Variants in RIMS2 observed in about 807,000 individuals in gnomAD.
RIMS2 encodes the protein regulating synaptic membrane exocytosis 2.
In RIMS2, 59 loss-of-function variants were observed where a neutral mutation model predicts 174.4. The ratio of observed to expected loss-of-function variants is 0.34; its 90% CI spans 0.27 to 0.42. The LOEUF is 0.42. Among genes scored for constraint, RIMS2 ranks in the 10% least tolerant of loss-of-function variants. The pLI, the probability that RIMS2 is intolerant of heterozygous loss-of-function variation, is 1.00. For synonymous variants in RIMS2, 606 were observed against 572.5 expected, an observed-to-expected ratio of 1.06 and a Z score of -0.84; for missense variants, 1,620 against 1,666.3, an observed-to-expected ratio of 0.97 and a Z score of 0.48.
chr8:104,224,814 T>C (rs1357521333), intron 19 of RIMS2, among the ~76,000 whole-genome samples: 5 of 152,152 alleles, frequency 3.3e-5, no homozygotes, highest in Admixed American at 6.6e-5. Flanking sequence ...AAGTAGAAGA[T>C]GGAGGATTGG....
intron 19 of RIMS2, among the ~76,000 whole-genome samples, chr8:104,084,940 T>C (rs1271112223): frequency 6.6e-6 from 1 of 152,184 alleles, no homozygotes; most frequent in Non-Finnish European, 1.5e-5. Context: ...CAGCTCTTAA[T>C]CCCTTGGTCA....
chr8:103,997,302 G>C (rs567073717), intron 17 of RIMS2, among the ~76,000 whole-genome samples: 1 of 151,734 alleles, frequency 6.6e-6, no homozygotes, highest in Non-Finnish European at 1.5e-5. Flanking sequence ...TGGGAAGCAG[G>C]ATTACAAGTA....
intron 1 of RIMS2, among the ~76,000 whole-genome samples, chr8:103,669,231 A>G (rs1478566445): frequency 6.6e-6 from 1 of 152,174 alleles, no homozygotes; most frequent in African/African-American, 2.4e-5. Flanking sequence ...AGACTTATTC[A>G]TTACCAAGAG....
intron 19 of RIMS2, among the ~76,000 whole-genome samples, chr8:104,134,576 G>C (rs1043389574): frequency 6.6e-6 from 1 of 152,172 alleles, no homozygotes; most frequent in African/African-American, 2.4e-5. Context: ...TAATTATTCA[G>C]TCAGAATTGT....
chr8:103,973,559 A>G (rs1253204828), intron 15 of RIMS2, among the ~76,000 whole-genome samples: 2 of 152,240 alleles, frequency 1.3e-5, no homozygotes, highest in African/African-American at 2.4e-5. Context: ...TGAAAGGAGT[A>G]TATCTAGATG....
intron 19 of RIMS2, among the ~76,000 whole-genome samples, chr8:104,117,284 G>A (rs2098293938): frequency 1.3e-5 from 2 of 152,044 alleles, no homozygotes; most frequent in South Asian, 2.1e-4. Flanking sequence ...ATGTACTTCT[G>A]TAAGTTTTGG....
chr8:103,721,881 G>A (rs1179115070), intron 2 of RIMS2, among the ~76,000 whole-genome samples: 1 of 152,158 alleles, frequency 6.6e-6, no homozygotes, highest in Non-Finnish European at 1.5e-5. Flanking sequence ...AAAGATGGAG[G>A]AGTCAAGGAT....
intron 3 of RIMS2, among the ~76,000 whole-genome samples, chr8:103,870,106 G>C (rs924712086): frequency 6.7e-6 from 1 of 149,246 alleles, no homozygotes; most frequent in Non-Finnish European, 1.5e-5. Flanking sequence ...AACTAGGTCA[G>C]CTAACAGCCG....
At chr8:104,049,467 CT>C (rs2096749784) in intron 19 of RIMS2, among the ~76,000 whole-genome samples, 1 of 151,994 alleles carries the variant, frequency 6.6e-6, no homozygotes, top group Non-Finnish European at 1.5e-5. Context: ...CGAAGCCATG[CT>C]TTTGTTAAAG....
chr8:103,638,769 C>G (rs922960773), intron 1 of RIMS2, among the ~76,000 whole-genome samples: 1 of 151,992 alleles, frequency 6.6e-6, no homozygotes, highest in Non-Finnish European at 1.5e-5. Context: ...AAACAAAGAT[C>G]TTTGTACCAG....
At chr8:103,544,781 G>A (rs572631776) in intron 1 of RIMS2, among the ~76,000 whole-genome samples, 42 of 152,180 alleles carry the variant, frequency 2.8e-4, no homozygotes, top group Non-Finnish European at 5.4e-4. Context: ...ATCGGAGGGG[G>A]CTCCTACAAG....
chr8:103,532,698 A>G (rs563202915), intron 1 of RIMS2, among the ~76,000 whole-genome samples: 2 of 152,332 alleles, frequency 1.3e-5, no homozygotes, highest in East Asian at 1.9e-4. Context: ...GGCACACTTC[A>G]CTTTACACTG....
intron 2 of RIMS2, among the ~76,000 whole-genome samples, chr8:103,720,658 A>G (rs146438187): frequency 1.6e-3 from 247 of 152,312 alleles, no homozygotes; most frequent in African/African-American, 5.5e-3. Flanking sequence ...TTAACTAGGA[A>G]ATTAGACAAA....
chr8:103,708,390 G>A (rs941685277), intron 2 of RIMS2, among the ~76,000 whole-genome samples: 5 of 152,180 alleles, frequency 3.3e-5, no homozygotes, highest in African/African-American at 1.2e-4. Flanking sequence ...GCTCTCTAGG[G>A]TTGGGTGAGG....
At chr8:103,965,724 C>G (rs776104056) in intron 15 of RIMS2, among the ~76,000 whole-genome samples, 2 of 152,042 alleles carry the variant, frequency 1.3e-5, no homozygotes, top group Non-Finnish European at 2.9e-5. Context: ...TTTCTGATCT[C>G]AGTGGGAAAG....
intron 2 of RIMS2, among the ~76,000 whole-genome samples, chr8:103,730,989 A>T (rs1361454949): frequency 3.9e-5 from 6 of 152,218 alleles, no homozygotes; most frequent in Admixed American, 3.9e-4. Flanking sequence ...GAGCAAAGTC[A>T]CATCTTACAT....
intron 1 of RIMS2, among the ~76,000 whole-genome samples, chr8:103,610,243 A>T (rs191557912): frequency 6.6e-5 from 10 of 152,160 alleles, no homozygotes; most frequent in Admixed American, 5.9e-4. Context: ...ATAGAGTGGG[A>T]GGTTTTATAG....
chr8:103,795,040 A>G (rs1300444907), intron 3 of RIMS2, among the ~76,000 whole-genome samples: 1 of 152,240 alleles, frequency 6.6e-6, no homozygotes, highest in South Asian at 2.1e-4. Context: ...TTCCTCAGGG[A>G]TCTAGAACTA....
chr8:103,718,563 G>A (rs1409111092), intron 2 of RIMS2, among the ~76,000 whole-genome samples: 1 of 152,180 alleles, frequency 6.6e-6, no homozygotes, highest in African/African-American at 2.4e-5. Flanking sequence ...CCTCCTTTAT[G>A]GAGGAGGTGA....
Sources: allele counts gnomAD v4.1 joint callset (sites outside exome capture counted in the v4.1 genomes callset), GRCh38; gene constraint gnomAD v4.1.1; transcripts MANE v1.5; gene names NCBI Gene and HGNC (gene_info 2026-07-23, HGNC 2026-07-21).